Variants in MAP3K19 observed in about 807,000 individuals in gnomAD.
MAP3K19 encodes the protein mitogen-activated protein kinase kinase kinase 19, also known as SPS1/STE20-related protein kinase YSK4.
MAP3K19 carries 91 observed loss-of-function variants against 114.4 expected under a neutral mutation model. That is an observed-to-expected ratio of 0.80 (90% CI 0.67 to 0.95). The LOEUF is 0.95. Among genes scored for constraint, MAP3K19 ranks in the 40% least tolerant of loss-of-function variants. MAP3K19 has a pLI of 0.00. For synonymous variants in MAP3K19, 518 were observed against 530.5 expected, an observed-to-expected ratio of 0.98 and a Z score of 0.32; for missense variants, 1,471 against 1,573.2, an observed-to-expected ratio of 0.94 and a Z score of 1.10.
intron 2 of MAP3K19, among the ~76,000 whole-genome samples, chr2:135,036,099 GCTGGGA>G: frequency 6.6e-6 from 1 of 152,270 alleles, no homozygotes; most frequent in East Asian, 1.9e-4. Context: ...CTCCCAAAGT[GCTGGGA>G]TTACAGGTTT....
intron 6 of MAP3K19, among the ~76,000 whole-genome samples, chr2:135,003,858 T>C (rs1686626849): frequency 6.6e-6 from 1 of 152,208 alleles, no homozygotes; most frequent in Non-Finnish European, 1.5e-5. Flanking sequence ...CCGGTCCATT[T>C]AAAGAGATTT....
rs771481828 is a variant in MAP3K19, at chr2:134,988,038, C to A, written c.834G>T (p.Arg278Ser). Reference sequence around the variant, plus strand: ...TTGACCAAATGAAGCCATCAGAAGACCTGAGAGTCGGATCCATCAACGACT... The same window carrying A: ...TTGACCAAATGAAGCCATCAGAAGAACTGAGAGTCGGATCCATCAACGACT... ...LVKSLMDPTL[R>S]SSDGFIWSRN... Residue 278 changes from arginine to serine, a missense_variant, in exon 10 of 13, where the codon AGG becomes AGT. By Grantham distance (110) the Arg-to-Ser change is moderately radical. Coordinates refer to ENST00000392915, the MANE Select transcript of MAP3K19 (RefSeq NM_025052.5). The A allele has an allele frequency of 1.9e-5, 31 of 1,613,872 alleles. No homozygotes were observed. Among genetic ancestry groups the A allele is most frequent in the Non-Finnish European group, 2.5e-5 (30 of 1,179,888 alleles).
At position 134,998,779 on chromosome 2, in the gene MAP3K19, T is replaced by C. The variant is rs1309885621; in HGVS notation, c.533A>G (p.Asp178Gly). 1 of 1,605,172 alleles carries C rather than the reference T, an allele frequency of 6.2e-7. No homozygotes were observed. Among genetic ancestry groups the C allele is most frequent in the Non-Finnish European group, 8.5e-7 (1 of 1,174,760 alleles). The change falls in exon 8 of 13, where the codon GAT becomes GGT. Residue 178 changes from aspartate to glycine, a missense_variant. Coordinates refer to ENST00000392915, the MANE Select transcript of MAP3K19 (RefSeq NM_025052.5). ...CTGCTCCTTCAGAAAATGAGGAGCA[T>C]CTTCTCTGGTTACAGACTTGGAAAT... is the stretch of plus-strand genomic sequence containing the variant. ...LNISKSVTREDAPHFLKEQQR... is the reference protein window; with the variant it reads ...LNISKSVTREGAPHFLKEQQR...
chr2:134,967,872 A>AT (rs1455568227), intron 12 of MAP3K19, among the ~76,000 whole-genome samples: 1 of 112,974 alleles, frequency 8.9e-6, no homozygotes, highest in Non-Finnish European at 2.0e-5. Context: ...TTTTTTTTTT[A>AT]TTTTTTATTG....
At chr2:134,969,152 G>C (rs1398949521) in intron 12 of MAP3K19, among the ~76,000 whole-genome samples, 2 of 150,888 alleles carry the variant, frequency 1.3e-5, no homozygotes, top group African/African-American at 2.5e-5. Flanking sequence ...GCTGGAGACC[G>C]GCCCAGCCAA....
chr2:135,036,223 A>G (rs532129907), intron 2 of MAP3K19, among the ~76,000 whole-genome samples: 1 of 152,136 alleles, frequency 6.6e-6, no homozygotes, highest in South Asian at 2.1e-4. Context: ...CATAAATACA[A>G]CCACATCATT....
intron 5 of MAP3K19, among the ~76,000 whole-genome samples, chr2:135,011,523 C>T (rs13417758): frequency 0.26 from 34,649 of 135,800 alleles, 5,254 homozygotes; most frequent in Middle Eastern, 0.42. Flanking sequence ...GGCGACAGAG[C>T]GAGACTCTGT....
At chr2:134,998,575 T>A (rs996846126) in intron 8 of MAP3K19, among the ~76,000 whole-genome samples, 163 bp downstream of exon 8, 2 of 152,204 alleles carry the variant, frequency 1.3e-5, no homozygotes, top group African/African-American at 4.8e-5. Context: ...TTATTGTCTG[T>A]CTCGCACCCC....
chr2:135,030,975 G>C (rs796293963), intron 2 of MAP3K19, among the ~76,000 whole-genome samples: 1 of 152,226 alleles, frequency 6.6e-6, no homozygotes, highest in East Asian at 1.9e-4. Context: ...ATATATCCTT[G>C]AATGTCACAA....
At chr2:135,022,505 G>A (rs908088334) in intron 4 of MAP3K19, among the ~76,000 whole-genome samples, 1 of 152,050 alleles carries the variant, frequency 6.6e-6, no homozygotes, top group Admixed American at 6.6e-5. Flanking sequence ...TATTTTTCAG[G>A]GTACTGAAGA....
intron 4 of MAP3K19, among the ~76,000 whole-genome samples, chr2:135,023,989 T>C (rs12612955): frequency 0.046 from 7,029 of 152,228 alleles, 596 homozygotes; most frequent in East Asian, 0.38. Flanking sequence ...CTGTTTCTCT[T>C]TTCCCTGACA....
intron 12 of MAP3K19, 37 bp downstream of exon 12, chr2:134,980,784 G>C: frequency 6.4e-7 from 1 of 1,571,394 alleles, no homozygotes; most frequent in Non-Finnish European, 8.7e-7. Context: ...GGAATCTCCG[G>C]GCATTTATCT....
At chr2:135,026,186 A>G (rs1688251392) in intron 3 of MAP3K19, among the ~76,000 whole-genome samples, 1 of 152,202 alleles carries the variant, frequency 6.6e-6, no homozygotes, top group Non-Finnish European at 1.5e-5. Flanking sequence ...CCAACTTTGG[A>G]CAAAAATTTT....
chr2:134,973,208 T>C (rs530124546), intron 12 of MAP3K19, among the ~76,000 whole-genome samples: 12 of 152,306 alleles, frequency 7.9e-5, no homozygotes, highest in Admixed American at 3.3e-4. Context: ...ATGATCTGCT[T>C]AATGTTGAGA....
At chr2:135,023,811 T>C (rs139508237) in intron 4 of MAP3K19, among the ~76,000 whole-genome samples, 2 of 152,270 alleles carry the variant, frequency 1.3e-5, no homozygotes, top group East Asian at 3.9e-4. Flanking sequence ...CCCTCAGATG[T>C]AGCCAACACG....
At chr2:134,973,649 G>T (rs11896978) in intron 12 of MAP3K19, among the ~76,000 whole-genome samples, 46,114 of 151,064 alleles carry the variant, frequency 0.31, 7,951 homozygotes, top group Middle Eastern at 0.62. Flanking sequence ...TGGTTGGTTT[G>T]TTTGTTTGTT....
At chr2:135,008,109 G>A (rs1686959197) in intron 5 of MAP3K19, among the ~76,000 whole-genome samples, 1 of 151,814 alleles carries the variant, frequency 6.6e-6, no homozygotes, top group African/African-American at 2.4e-5. Context: ...ACAAATATCA[G>A]AGGGTCATAA....
chr2:134,991,632 G>C (rs1685588581), intron 8 of MAP3K19, 52 bp from the exon 9 acceptor site: 1 of 1,472,996 alleles, frequency 6.8e-7, no homozygotes, highest in African/African-American at 1.4e-5. Context: ...AAAGAAAACA[G>C]TCTCAAGCCA....
Position 134,988,128 on chromosome 2 carries a change from G to A in MAP3K19, c.744C>T (p.Leu248=). ...CATCAGATTGACGAACAGACACTGA[G>A]AGCTTAGGCACAAAAGATGTGAGAC... ...IPSLTSFVPK[L]SVSVRQSDEL... is the part of the protein sequence containing the mutation. The change falls in exon 10 of 13, where the codon CTC becomes CTT. Residue 248 remains leucine (L), a synonymous_variant. Transcript: ENST00000392915. 1 of 1,614,070 alleles carries A rather than the reference G, an allele frequency of 6.2e-7. No homozygotes were observed.
Sources: allele counts gnomAD v4.1 joint callset (sites outside exome capture counted in the v4.1 genomes callset), GRCh38; gene constraint gnomAD v4.1.1; transcripts MANE v1.5; gene names NCBI Gene and HGNC (gene_info 2026-07-23, HGNC 2026-07-21).